Variants in ACAT1 observed in about 807,000 individuals in gnomAD.
The protein encoded by ACAT1 is acetyl-CoA acetyltransferase, mitochondrial.
Under a neutral mutation model 47.3 loss-of-function variants are expected in ACAT1, and 28 were observed. The observed-to-expected ratio is 0.59, with a 90% CI of 0.44 to 0.81. The LOEUF is 0.81. Ranked by LOEUF, ACAT1 falls within the 30% of genes least tolerant of loss-of-function variation. The pLI is 0.00. For missense variants in ACAT1, 469 were observed against 524.3 expected, an observed-to-expected ratio of 0.89 and a Z score of 1.03; for synonymous variants, 181 against 173.6, an observed-to-expected ratio of 1.04 and a Z score of -0.34.
upstream of ACAT1, chr11:108,121,463 C>T (rs2077145117): frequency 1.1e-6 from 1 of 940,228 alleles, no homozygotes; most frequent in Non-Finnish European, 1.6e-6. Flanking sequence ...CCGCCCTTGG[C>T]TGCCGGCCAA....
chr11:108,141,864 T>G (rs1355992097), intron 8 of ACAT1, among the ~76,000 whole-genome samples, 164 bp downstream of exon 8: 1 of 152,200 alleles, frequency 6.6e-6, no homozygotes, highest in East Asian at 1.9e-4. Flanking sequence ...GTTTATACCT[T>G]CAATATATAA....
Position 108,146,296 on chromosome 11 carries a change from T to TG in ACAT1, c.1102dup (p.Glu368GlyfsTer3). On this transcript the variant is annotated frameshift_variant, in exon 11 of 12. Transcript: ENST00000265838. LOFTEE classifies it high-confidence loss of function. ...GTTGTACTAGCAAACATTAAAATGT[T>TG]GGAGATTGATCCCCAAAAAGTGAAT... 6.2e-7 allele frequency: 1 copy of TG among 1,614,080 alleles called. No individual in the cohort carries two copies. The highest frequency in any genetic ancestry group is 1.1e-5 in the South Asian group (1 of 91,084).
chr11:108,125,065 T>G (rs749065919), intron 1 of ACAT1, among the ~76,000 whole-genome samples: 1 of 152,204 alleles, frequency 6.6e-6, no homozygotes, highest in Non-Finnish European at 1.5e-5. Context: ...CTTCAAATAT[T>G]TGTTTTGTGT....
At chr11:108,132,547 T>C (rs774299602) in intron 2 of ACAT1, among the ~76,000 whole-genome samples, 12 of 152,146 alleles carry the variant, frequency 7.9e-5, no homozygotes, top group Non-Finnish European at 1.3e-4. Context: ...TATTATTGTC[T>C]TACTGTTTAA....
chr11:108,135,313 C>G, intron 5 of ACAT1, 71 bp downstream of exon 5: 1 of 1,103,408 alleles, frequency 9.1e-7, no homozygotes, highest in East Asian at 2.4e-5. Context: ...AAAATCTAGG[C>G]ATATTCATAT....
chr11:108,131,360 T>TTTTTTTTTTTTTTTTTTTTTTA, intron 1 of ACAT1, among the ~76,000 whole-genome samples: 1 of 130,970 alleles, frequency 7.6e-6, no homozygotes, highest in Non-Finnish European at 1.6e-5. Context: ...TGGAATTTTT[T>TTTTTTTTTTTTTTTTTTTTTTA]TTTTTTTTTT....
intron 1 of ACAT1, among the ~76,000 whole-genome samples, chr11:108,126,141 T>C (rs1045615675): frequency 6.6e-6 from 1 of 152,072 alleles, no homozygotes; most frequent in African/African-American, 2.4e-5. Flanking sequence ...TAGCTGGGAC[T>C]ACAGGTGCCC....
rs761873138 is a variant in ACAT1 at position 108,138,896 on chromosome 11, A to G, written c.436-2A>G. The G allele has an allele frequency of 6.2e-7, 1 of 1,614,028 alleles. No homozygotes were observed. ...TTGGGTTTTTCTGGTGTTTCTGCGC[A>G]GGATGTGATGGTGGCAGGTGGGATG... On this transcript the variant is annotated splice_acceptor_variant, in intron 5 of 11. Transcript: ENST00000265838. LOFTEE classifies it high-confidence loss of function.
chr11:108,140,268 T>TG, intron 7 of ACAT1, 53 bp downstream of exon 7: 1 of 1,604,564 alleles, frequency 6.2e-7, no homozygotes. Flanking sequence ...TGCTGAATGT[T>TG]TTATGCTTAA....
intron 5 of ACAT1, among the ~76,000 whole-genome samples, chr11:108,138,113 C>T (rs1232095528): frequency 2.0e-5 from 3 of 149,276 alleles, no homozygotes; most frequent in Non-Finnish European, 3.0e-5. Flanking sequence ...CTCAGCCTCC[C>T]GAGTAGCTGG....
Position 108,121,684 on chromosome 11 carries a change from C to A in ACAT1, c.72+6C>A, listed in dbSNP as rs543929400. On this transcript the variant is annotated splice_donor_region_variant and intron_variant, in intron 1 of 11. Coordinates refer to ENST00000265838, the MANE Select transcript of ACAT1 (RefSeq NM_000019.4). ...TGCTCCGGAGGCTGGTGCAGGTGAG[C>A]GGGGTTCGTCCCCACAGCACTCAGA... 5 of 1,547,640 alleles carry A rather than the reference C, an allele frequency of 3.2e-6. No individual in the cohort carries two copies. The Admixed American group carries it at 9.8e-5, about 30-fold the overall frequency.
intron 10 of ACAT1, among the ~76,000 whole-genome samples, chr11:108,145,160 A>G (rs1006829121): frequency 1.6e-4 from 24 of 152,144 alleles, no homozygotes; most frequent in African/African-American, 5.6e-4. Context: ...CATAGGGATA[A>G]TCACTGGCAC....
intron 5 of ACAT1, chr11:108,136,388 TAC>T: frequency 3.4e-6 from 1 of 293,856 alleles, no homozygotes; most frequent in Non-Finnish European, 6.2e-6. Context: ...ATAAAAGTTG[TAC>T]CAGTTAGACT....
At chr11:108,134,944 C>CAAAAAAAAA (rs56229925) in intron 4 of ACAT1, among the ~76,000 whole-genome samples, 198 bp from the exon 5 acceptor site, 2 of 81,370 alleles carry the variant, frequency 2.5e-5, no homozygotes, top group African/African-American at 5.3e-5. Flanking sequence ...GACTCCGTCT[C>CAAAAAAAAA]AAAAAAAAAA....
At position 108,144,848 on chromosome 11, in the gene ACAT1, G is replaced by A. The variant is rs1265823822; in HGVS notation, c.1005+801G>A. On this transcript the variant is annotated intron_variant, in intron 10 of 11. Coordinates refer to ENST00000265838, the MANE Select transcript of ACAT1 (RefSeq NM_000019.4). ...AGCTTCTGAAAGTGAGTAACATCAC[G>A]TTGGAAAGCAAGGGTAATAAACAAT... 5.9e-5 allele frequency among the ~76,000 whole-genome samples: 9 copies of A among 152,272 alleles called. No individual in the cohort carries two copies. In the South Asian group the frequency reaches 1.9e-3, roughly 32 times the overall value.
chr11:108,132,778 C>T (rs577493586), intron 2 of ACAT1, among the ~76,000 whole-genome samples: 14 of 131,916 alleles, frequency 1.1e-4, no homozygotes, highest in East Asian at 5.0e-4. Context: ...GGCGTGAATC[C>T]GGGAGGCGGA....
intron 11 of ACAT1, 136 bp from the exon 12 acceptor site, chr11:108,147,134 T>TA (rs757296238): frequency 3.8e-6 from 4 of 1,059,752 alleles, no homozygotes; most frequent in Non-Finnish European, 5.5e-6. Flanking sequence ...AAGTTTTAGT[T>TA]TTAGAATAGT....
chr11:108,125,443 T>TC (rs1362064065), intron 1 of ACAT1, among the ~76,000 whole-genome samples: 3 of 152,146 alleles, frequency 2.0e-5, no homozygotes, highest in Non-Finnish European at 4.4e-5. Flanking sequence ...AGAGACACCA[T>TC]CCCGCCATCA....
At chr11:108,139,551 C>T (rs2077543989) in intron 6 of ACAT1, among the ~76,000 whole-genome samples, 1 of 151,942 alleles carries the variant, frequency 6.6e-6, no homozygotes, top group Non-Finnish European at 1.5e-5. Flanking sequence ...AAGATTGCAC[C>T]ACTGCACTCC....
Sources: gnomAD v4.1 joint callset for allele counts (sites outside exome capture counted in the v4.1 genomes callset) on GRCh38, gnomAD v4.1.1 for gene constraint, MANE v1.5 for transcripts, NCBI Gene and HGNC (gene_info 2026-07-23, HGNC 2026-07-21) for gene names.